The following SCN9A variants were observed in gnomAD, a reference collection of about 807,000 sequenced individuals.
SCN9A encodes the protein sodium channel protein type 9 subunit alpha.
SCN9A carries 131 observed loss-of-function variants against 187.0 expected under a neutral mutation model. The ratio of observed to expected loss-of-function variants is 0.70; its 90% CI spans 0.61 to 0.81. SCN9A has a LOEUF of 0.81. Ranked by LOEUF, SCN9A falls within the 30% of genes least tolerant of loss-of-function variation. The pLI, the probability that SCN9A is intolerant of heterozygous loss-of-function variation, is 0.00. For synonymous variants in SCN9A, 809 were observed against 808.6 expected (o/e 1.00, Z -0.01); for missense variants, 2,252 against 2,396.6 (o/e 0.94, Z 1.26).
chr2:166,350,095 C>T (rs1400745392), intron 1 of SCN9A, among the ~76,000 whole-genome samples: 4 of 152,164 alleles, frequency 2.6e-5, no homozygotes, highest in African/African-American at 9.7e-5. Context: ...CTTCCTCTGC[C>T]ATAATTAAAG....
chr2:166,223,846 A>G (rs1311171949), intron 24 of SCN9A, among the ~76,000 whole-genome samples: 2 of 152,280 alleles, frequency 1.3e-5, no homozygotes, highest in East Asian at 3.9e-4. Flanking sequence ...GTACTTCTAC[A>G]TAGCATGTGT....
intron 26 of SCN9A, 109 bp from the exon 27 acceptor site, chr2:166,199,973 C>G (rs1210103725): frequency 1.8e-5 from 2 of 113,452 alleles, no homozygotes; most frequent in Non-Finnish European, 3.7e-5. Context: ...GAATTCAAGA[C>G]AGTTTTTTTT....
intron 7 of SCN9A, among the ~76,000 whole-genome samples, chr2:166,297,284 A>C (rs942815727): frequency 3.3e-5 from 5 of 151,074 alleles, no homozygotes; most frequent in Non-Finnish European, 7.4e-5. Flanking sequence ...AAAATTGAAA[A>C]TGTATTTCCA....
intron 24 of SCN9A, among the ~76,000 whole-genome samples, chr2:166,216,301 C>T (rs1694329539): frequency 6.6e-6 from 1 of 152,026 alleles, no homozygotes; most frequent in South Asian, 2.1e-4. Flanking sequence ...AAGTTGGGAG[C>T]TTTTCTTCTA....
chr2:166,320,896 A>G (rs1699221299), intron 1 of SCN9A, among the ~76,000 whole-genome samples: 1 of 152,198 alleles, frequency 6.6e-6, no homozygotes. Context: ...ACCAGGGTAT[A>G]CAAAAAAATC....
At chr2:166,253,908 T>C (rs1044058609) in intron 17 of SCN9A, among the ~76,000 whole-genome samples, 4 of 151,930 alleles carry the variant, frequency 2.6e-5, no homozygotes, top group African/African-American at 9.6e-5. Flanking sequence ...GTAACAACTT[T>C]TAAATAAAAT....
chr2:166,332,911 C>T (rs1474523555), intron 1 of SCN9A, among the ~76,000 whole-genome samples: 4 of 151,462 alleles, frequency 2.6e-5, no homozygotes, highest in Admixed American at 2.0e-4. Context: ...AACAAACTTT[C>T]AATACTCTAA....
chr2:166,298,483 G>A (rs1233996388), intron 7 of SCN9A, among the ~76,000 whole-genome samples: 1 of 152,116 alleles, frequency 6.6e-6, no homozygotes, highest in African/African-American at 2.4e-5. Context: ...TGAGACAGTG[G>A]GTTAATTTAT....
chr2:166,348,612 T>C (rs1007146809), intron 1 of SCN9A, among the ~76,000 whole-genome samples: 1 of 152,118 alleles, frequency 6.6e-6, no homozygotes. Flanking sequence ...ATCACATCTC[T>C]CTTCTGTTAA....
At position 166,272,758 on chromosome 2, in the gene SCN9A, C is replaced by A. The variant is rs1339119651; in HGVS notation, c.2992G>T (p.Gly998Ter). The change falls in exon 17 of 27, where the codon GGA becomes TGA. Residue 998 changes from glycine (G) to a stop codon, truncating the protein, a stop_gained. Coordinates refer to ENST00000642356, the MANE Select transcript of SCN9A (RefSeq NM_001365536.1). LOFTEE classifies it high-confidence loss of function. ...AAGGTTTGTTTCACATAATTTATTCCCTTTTTAATTCTAGTCACTGCAATC... is the reference window on the plus strand; with the variant it reads ...AAGGTTTGTTTCACATAATTTATTCACTTTTTAATTCTAGTCACTGCAATC... The part of the protein sequence containing the change: ...LQIAVTRIKK[G>*]INYVKQTLRE... 6.5e-7 allele frequency: 1 copy of A among 1,546,486 alleles called. No homozygotes were observed. Among genetic ancestry groups the A allele is most frequent in the East Asian group, 2.3e-5 (1 of 44,224 alleles).
chr2:166,279,580 T>G (rs1458768170), intron 14 of SCN9A, among the ~76,000 whole-genome samples: 1 of 152,152 alleles, frequency 6.6e-6, no homozygotes, highest in East Asian at 1.9e-4. Flanking sequence ...GTTGATCACC[T>G]TCTTGCCTAT....
At position 166,198,912 on chromosome 2, in the gene SCN9A, G is replaced by T. The variant is rs1478868301; in HGVS notation, c.5727C>A (p.Val1909=). 1 of 1,613,616 alleles carries T rather than the reference G, an allele frequency of 6.2e-7. No individual in the cohort carries two copies. Among genetic ancestry groups the T allele is most frequent in the Non-Finnish European group, 8.5e-7 (1 of 1,179,712 alleles). The change falls in exon 27 of 27, where the codon GTC becomes GTA. Residue 1909 remains valine (V), a synonymous_variant. Transcript: ENST00000642356. Reference sequence around the variant, plus strand: ...TTATGTATATACTTGATATATTTTTGACATTTTGCCTTAAGCGGTAACGTC... The same window carrying T: ...TTATGTATATACTTGATATATTTTTTACATTTTGCCTTAAGCGGTAACGTC... The part of the protein sequence containing the change: ...AYRRYRLRQN[V]KNISSIYIKD...
At chr2:166,338,492 A>G (rs1220774662) in intron 1 of SCN9A, among the ~76,000 whole-genome samples, 2 of 151,940 alleles carry the variant, frequency 1.3e-5, no homozygotes, top group Non-Finnish European at 2.9e-5. Context: ...TGTTTTTTAA[A>G]TTTTTTATTG....
intron 1 of SCN9A, among the ~76,000 whole-genome samples, chr2:166,349,343 G>A (rs955622115): frequency 3.4e-4 from 51 of 152,038 alleles, no homozygotes; most frequent in Admixed American, 3.1e-3. Context: ...AAGTGAGAAA[G>A]AGTTCAAAAT....
intron 1 of SCN9A, among the ~76,000 whole-genome samples, chr2:166,323,818 A>G (rs772489586): frequency 6.6e-6 from 1 of 151,984 alleles, no homozygotes; most frequent in Non-Finnish European, 1.5e-5. Flanking sequence ...ATTTAAGAGA[A>G]TAAGTTATTC....
In SCN9A at chr2:166,242,489, T is replaced by G; in HGVS notation, c.3627+13A>C. On this transcript the variant is annotated intron_variant, in intron 19 of 26. Transcript: ENST00000642356. ...CTTAATCAATATATTGACTTAGGTG[T>G]CAGATCATTTACCAGGGCACCACTG... 1 of 1,559,500 alleles carries G rather than the reference T, an allele frequency of 6.4e-7. No homozygotes were observed. The highest frequency in any genetic ancestry group is 8.7e-7 in the Non-Finnish European group (1 of 1,149,318).
At chr2:166,223,485 A>C (rs1344877285) in intron 24 of SCN9A, among the ~76,000 whole-genome samples, 1 of 152,232 alleles carries the variant, frequency 6.6e-6, no homozygotes, top group Non-Finnish European at 1.5e-5. Flanking sequence ...AACAGAAAAA[A>C]TATTGCATAA....
At chr2:166,289,234 C>T (rs983908299) in intron 9 of SCN9A, among the ~76,000 whole-genome samples, 2 of 149,824 alleles carry the variant, frequency 1.3e-5, no homozygotes, top group Admixed American at 1.3e-4. Context: ...TTTGGCATAA[C>T]GTGCAGGTTT....
Position 166,233,458 on chromosome 2 carries a change from G to C in SCN9A, c.3806C>G (p.Ser1269Cys). The change falls in exon 21 of 27, where the codon TCT (serine) becomes TGT (cysteine). Residue 1269 changes from serine to cysteine, a missense_variant. This residue lies in a region of SCN9A where 368 missense variants were observed against 408.6 expected (regional missense o/e 0.90). Transcript: ENST00000642356. ...CWLDFLIVDV[S>C]LVTLVANTLG... is the part of the protein sequence containing the mutation. ...AGTGTTTGCCACTAAAGTAACCAAAGAAACCTATAAAAATAACATTTTCAT... is the reference window on the plus strand; with the variant it reads ...AGTGTTTGCCACTAAAGTAACCAAACAAACCTATAAAAATAACATTTTCAT... The C allele has an allele frequency of 6.4e-7, 1 of 1,561,338 alleles. No homozygotes were observed. Among genetic ancestry groups the C allele is most frequent in the Non-Finnish European group, 8.6e-7 (1 of 1,163,496 alleles).
Sources: allele counts gnomAD v4.1 joint callset (sites outside exome capture counted in the v4.1 genomes callset), GRCh38; gene constraint gnomAD v4.1.1; regional missense constraint gnomAD v4.1.1; transcripts MANE v1.5; gene names NCBI Gene and HGNC (gene_info 2026-07-23, HGNC 2026-07-21).